LCLAT1: variants seen among roughly 807,000 people sequenced by gnomAD.
LCLAT1 encodes 1-AGP acyltransferase 8.
In LCLAT1, 11 loss-of-function variants were observed where a neutral mutation model predicts 30.7. The ratio of observed to expected loss-of-function variants is 0.36; its 90% CI spans 0.23 to 0.59. LCLAT1 has a LOEUF of 0.59. Among genes scored for constraint, LCLAT1 ranks in the 20% least tolerant of loss-of-function variants. LCLAT1 has a pLI of 0.77. For missense variants in LCLAT1, 402 were observed against 458.6 expected (o/e 0.88, Z 1.13); for synonymous variants, 155 against 151.3 (o/e 1.02, Z -0.18).
chr2:30,580,496 G>C (rs867323810), intron 5 of LCLAT1, among the ~76,000 whole-genome samples: 1 of 152,172 alleles, frequency 6.6e-6, no homozygotes, highest in Non-Finnish European at 1.5e-5. Context: ...AAATGTAAGT[G>C]AAGAGTGATA....
intron 1 of LCLAT1, among the ~76,000 whole-genome samples, chr2:30,471,949 G>T (rs1382049656): frequency 6.6e-6 from 1 of 152,120 alleles, no homozygotes; most frequent in East Asian, 1.9e-4. Context: ...TTGATTTTAG[G>T]GGGAAAGCTT....
At chr2:30,547,488 G>A (rs1192837727) in intron 3 of LCLAT1, among the ~76,000 whole-genome samples, 1 of 152,142 alleles carries the variant, frequency 6.6e-6, no homozygotes, top group Non-Finnish European at 1.5e-5. Context: ...GGCTTTCTCA[G>A]CCTCCTGTCA....
chr2:30,532,553 A>G (rs1686032923), intron 2 of LCLAT1, among the ~76,000 whole-genome samples: 1 of 152,186 alleles, frequency 6.6e-6, no homozygotes, highest in African/African-American at 2.4e-5. Context: ...AAGGAAATTC[A>G]GCAATTATTT....
At chr2:30,628,262 A>T (rs1668610209) in intron 5 of LCLAT1, among the ~76,000 whole-genome samples, 1 of 151,962 alleles carries the variant, frequency 6.6e-6, no homozygotes, top group Non-Finnish European at 1.5e-5. Flanking sequence ...ATTAGAAGAC[A>T]TAAAATAAGA....
At chr2:30,537,306 G>A (rs1686294927) in intron 3 of LCLAT1, among the ~76,000 whole-genome samples, 1 of 152,060 alleles carries the variant, frequency 6.6e-6, no homozygotes, top group South Asian at 2.1e-4. Context: ...GCGTGAACCT[G>A]GGAAGCGGAG....
intron 5 of LCLAT1, among the ~76,000 whole-genome samples, chr2:30,616,158 C>T (rs1053502999): frequency 6.6e-6 from 1 of 152,120 alleles, no homozygotes; most frequent in African/African-American, 2.4e-5. Context: ...TGTTGAATTG[C>T]AATGGTAAGT....
chr2:30,559,210 A>G (rs893260899), intron 3 of LCLAT1, among the ~76,000 whole-genome samples: 1 of 152,240 alleles, frequency 6.6e-6, no homozygotes, highest in Non-Finnish European at 1.5e-5. Context: ...AATAGGACAC[A>G]TGGAAGCATT....
intron 3 of LCLAT1, among the ~76,000 whole-genome samples, chr2:30,533,960 G>A (rs539373820): frequency 6.6e-6 from 1 of 152,104 alleles, no homozygotes; most frequent in East Asian, 1.9e-4. Flanking sequence ...AAAAGGGAGG[G>A]GAAAGATTAT....
intron 3 of LCLAT1, among the ~76,000 whole-genome samples, chr2:30,561,345 A>G (rs1665211004): frequency 6.6e-6 from 1 of 151,784 alleles, no homozygotes; most frequent in Non-Finnish European, 1.5e-5. Flanking sequence ...TCCTAGGTGA[A>G]ATTTCTGAGG....
At chr2:30,606,656 A>G (rs1429427548) in intron 5 of LCLAT1, 4 of 149,890 alleles carry the variant, frequency 2.7e-5, no homozygotes, top group Admixed American at 2.0e-4. Flanking sequence ...TCTAGGCAAT[A>G]CCATTCAGGA....
At chr2:30,599,655 ATAGT>A (rs1411201681) in intron 5 of LCLAT1, among the ~76,000 whole-genome samples, 1 of 146,312 alleles carries the variant, frequency 6.8e-6, no homozygotes, top group Admixed American at 6.9e-5. Flanking sequence ...CATATATAGG[ATAGT>A]TAGCTCTGCT....
At chr2:30,614,896 G>A (rs1667919996) in intron 5 of LCLAT1, among the ~76,000 whole-genome samples, 2 of 152,138 alleles carry the variant, frequency 1.3e-5, no homozygotes, top group African/African-American at 4.8e-5. Context: ...TGAAGTTGGG[G>A]AAAAGCCAAG....
At chr2:30,612,830 G>A (rs1241264819) in intron 5 of LCLAT1, among the ~76,000 whole-genome samples, 1 of 152,118 alleles carries the variant, frequency 6.6e-6, no homozygotes, top group South Asian at 2.1e-4. Context: ...GCTCAGCTCA[G>A]TTTCCCCTTT....
rs1231524020 is a variant in LCLAT1 at position 30,447,323 on chromosome 2, G to A, written c.-65G>A. ...TCCGCACGGAGGTTGTGACCCCTAC[G>A]GAGCCCCAGCTTGCCCACGCACCCC... On this transcript the variant is annotated 5_prime_UTR_variant, in exon 1 of 6. Transcript: ENST00000379509. The A allele has an allele frequency of 6.6e-6, 1 of 152,076 alleles. No homozygotes were observed. The highest frequency in any genetic ancestry group is 2.4e-5 in the African/African-American group (1 of 41,428). 9.4% of individuals were successfully genotyped at this position (152,076 alleles called of 1,614,324 possible).
At chr2:30,512,533 A>T (rs987275489) in intron 1 of LCLAT1, among the ~76,000 whole-genome samples, 3 of 152,204 alleles carry the variant, frequency 2.0e-5, no homozygotes, top group African/African-American at 7.2e-5. Context: ...TTATCTCCAG[A>T]TAGCCTCTTT....
chr2:30,460,975 A>T (rs998511646), intron 1 of LCLAT1, among the ~76,000 whole-genome samples: 6 of 152,156 alleles, frequency 3.9e-5, no homozygotes, highest in African/African-American at 1.4e-4. Flanking sequence ...TCTTTCCTAG[A>T]CCTTGCCCTT....
intron 5 of LCLAT1, among the ~76,000 whole-genome samples, chr2:30,574,830 TA>T (rs1665925859): frequency 6.6e-6 from 1 of 152,184 alleles, no homozygotes; most frequent in Non-Finnish European, 1.5e-5. Context: ...GGAGTCAGAC[TA>T]AGGGAAATTG....
At chr2:30,608,819 T>C (rs909478179) in intron 5 of LCLAT1, among the ~76,000 whole-genome samples, 1 of 152,086 alleles carries the variant, frequency 6.6e-6, no homozygotes, top group Non-Finnish European at 1.5e-5. Flanking sequence ...AAGTGACACA[T>C]AGTTGTATGT....
At chr2:30,523,267 G>T (rs1283196008) in intron 1 of LCLAT1, among the ~76,000 whole-genome samples, 1 of 145,962 alleles carries the variant, frequency 6.9e-6, no homozygotes, top group African/African-American at 2.5e-5. Flanking sequence ...ATGTTCGTAG[G>T]TTTTTTTTTT....
Sources: allele counts gnomAD v4.1 joint callset (sites outside exome capture counted in the v4.1 genomes callset), GRCh38; gene constraint gnomAD v4.1.1; transcripts MANE v1.5; gene names NCBI Gene and HGNC (gene_info 2026-07-23, HGNC 2026-07-21).